The following CNTN6 variants were observed in gnomAD, a reference collection of about 807,000 sequenced individuals.
CNTN6 encodes contactin-6.
In CNTN6, 137 loss-of-function variants were observed where a neutral mutation model predicts 122.8. The ratio of observed to expected loss-of-function variants is 1.12; its 90% CI spans 0.97 to 1.29. The LOEUF (loss-of-function observed/expected upper bound fraction) is 1.29. Among genes scored for constraint, CNTN6 ranks in the 50% most tolerant of loss-of-function variants. The pLI is 0.00. For synonymous variants in CNTN6, 570 were observed against 426.0 expected (o/e 1.34, Z -4.16); for missense variants, 1,634 against 1,223.4 (o/e 1.34, Z -5.01).
intron 2 of CNTN6, among the ~76,000 whole-genome samples, chr3:1,187,904 T>C (rs2125369845): frequency 6.6e-6 from 1 of 152,280 alleles, no homozygotes; most frequent in South Asian, 2.1e-4. Context: ...TTGGGCAGTC[T>C]GTTCTTTCCT....
intron 2 of CNTN6, among the ~76,000 whole-genome samples, chr3:1,202,384 C>A (rs2093889116): frequency 1.3e-5 from 2 of 151,066 alleles, no homozygotes; most frequent in South Asian, 4.2e-4. Flanking sequence ...ACTAAAAATA[C>A]AAGAAATCAG....
chr3:1,125,796 AATG>A (rs1433641623), intron 1 of CNTN6, among the ~76,000 whole-genome samples: 2 of 151,782 alleles, frequency 1.3e-5, no homozygotes, highest in African/African-American at 4.8e-5. Context: ...AATATATTCT[AATG>A]ATGATATGAC....
At chr3:1,237,920 C>G (rs772099864) in intron 4 of CNTN6, among the ~76,000 whole-genome samples, 29 of 151,054 alleles carry the variant, frequency 1.9e-4, no homozygotes, top group Non-Finnish European at 2.8e-4. Context: ...AACAAATCTT[C>G]AAAATACACA....
intron 4 of CNTN6, among the ~76,000 whole-genome samples, chr3:1,234,505 A>G (rs1355103889): frequency 2.0e-5 from 3 of 152,152 alleles, no homozygotes; most frequent in Non-Finnish European, 4.4e-5. Context: ...GCTCCCGATG[A>G]TATGGTGATA....
chr3:1,265,590 C>A (rs2094914635), intron 4 of CNTN6, among the ~76,000 whole-genome samples: 1 of 152,084 alleles, frequency 6.6e-6, no homozygotes, highest in Admixed American at 6.5e-5. Flanking sequence ...CAAAAGAAAA[C>A]ACAAATTACT....
At chr3:1,105,728 T>G (rs2091187691) in intron 1 of CNTN6, among the ~76,000 whole-genome samples, 1 of 152,182 alleles carries the variant, frequency 6.6e-6, no homozygotes, top group Admixed American at 6.5e-5. Flanking sequence ...ACTTAAAGTT[T>G]CCTAAATATA....
chr3:1,348,281 C>T (rs182841659), intron 11 of CNTN6, among the ~76,000 whole-genome samples: 2 of 151,796 alleles, frequency 1.3e-5, no homozygotes, highest in East Asian at 3.9e-4. Flanking sequence ...TTTTTATCCA[C>T]TCTGCTAATT....
intron 20 of CNTN6, among the ~76,000 whole-genome samples, chr3:1,387,620 C>T (rs1020348366): frequency 5.3e-5 from 8 of 152,258 alleles, no homozygotes; most frequent in Middle Eastern, 3.4e-3. Flanking sequence ...CCAGTGAAGA[C>T]GCGTGATTTC....
intron 4 of CNTN6, 94 bp from the exon 5 acceptor site, chr3:1,278,319 C>G: frequency 1.2e-6 from 1 of 833,028 alleles, no homozygotes; most frequent in Non-Finnish European, 1.9e-6. Flanking sequence ...GAGATTAATT[C>G]CCCTTAATAA....
chr3:1,212,558 T>C (rs2094061084), intron 2 of CNTN6, among the ~76,000 whole-genome samples: 1 of 151,804 alleles, frequency 6.6e-6, no homozygotes, highest in African/African-American at 2.4e-5. Context: ...TATATGTGTA[T>C]ACACATACAC....
chr3:1,285,348 T>G (rs959658267), intron 5 of CNTN6, among the ~76,000 whole-genome samples: 2 of 152,264 alleles, frequency 1.3e-5, no homozygotes, highest in African/African-American at 4.8e-5. Context: ...ATAGCAGGTT[T>G]AAGGATGGAG....
At chr3:1,400,803 A>C (rs1457701803) in intron 20 of CNTN6, among the ~76,000 whole-genome samples, 2 of 152,046 alleles carry the variant, frequency 1.3e-5, no homozygotes. Flanking sequence ...ACAAAGAGGT[A>C]CTCTCTGGCA....
intron 2 of CNTN6, among the ~76,000 whole-genome samples, chr3:1,165,399 A>C (rs2093224284): frequency 6.6e-6 from 1 of 152,196 alleles, no homozygotes; most frequent in South Asian, 2.1e-4. Flanking sequence ...TCAATGGTCC[A>C]TCTGCTTGGA....
At chr3:1,162,705 G>A (rs760079487) in intron 2 of CNTN6, among the ~76,000 whole-genome samples, 2 of 152,180 alleles carry the variant, frequency 1.3e-5, no homozygotes, top group Admixed American at 6.5e-5. Flanking sequence ...TGTGGAAGCC[G>A]GATCTTGCTT....
chr3:1,201,383 C>T (rs556836622), intron 2 of CNTN6, among the ~76,000 whole-genome samples: 19 of 152,082 alleles, frequency 1.2e-4, no homozygotes, highest in Middle Eastern at 3.4e-3. Flanking sequence ...CTCCATGAAA[C>T]GGGAAAATTA....
intron 19 of CNTN6, among the ~76,000 whole-genome samples, chr3:1,384,938 A>C (rs1243952498): frequency 3.3e-5 from 5 of 150,934 alleles, no homozygotes; most frequent in Non-Finnish European, 7.4e-5. Context: ...GTTACTTCTC[A>C]AATTTCATCC....
At position 1,386,631 on chromosome 3, in the gene CNTN6, T is replaced by TTACATATTCCTTATATATTATA. The variant is rs1559998796; in HGVS notation, c.2704+835_2704+836insACATATTCCTTATATATTATAT. Among the ~76,000 whole-genome samples the TTACATATTCCTTATATATTATA allele has an allele frequency of 3.2e-4, 49 of 152,094 alleles. No homozygotes were observed. In the East Asian group the frequency reaches 7.9e-3, roughly 25 times the overall value. The stretch of plus-strand genomic sequence containing the variant: ...ATGATTTTTTTGTGGTTGAATAATA[T>TTACATATTCCTTATATATTATA]TTACATATTCCTTATATATTATTAA... On this transcript the variant is annotated intron_variant, in intron 20 of 22. Transcript: ENST00000446702.
Position 1,304,230 on chromosome 3 carries a change from C to A in CNTN6, c.761+6239C>A, listed in dbSNP as rs1393242972. ...ACCAAAACCTTACTTCATTTATTTC[C>A]CCTCTTTCAGGATCATACTTTTGTG... On this transcript the variant is annotated intron_variant, in intron 7 of 22. Transcript: ENST00000446702. Among the ~76,000 whole-genome samples the A allele has an allele frequency of 2.6e-5, 4 of 152,164 alleles. 1 individual carries two copies. Among genetic ancestry groups the A allele is most frequent in the Admixed American group, 2.0e-4 (3 of 15,276 alleles).
chr3:1,307,407 T>C (rs565715244), intron 7 of CNTN6, among the ~76,000 whole-genome samples: 2 of 152,258 alleles, frequency 1.3e-5, no homozygotes, highest in South Asian at 2.1e-4. Flanking sequence ...TTTTAACTAA[T>C]GGATTTTAAA....
Sources: gnomAD v4.1 joint callset for allele counts (sites outside exome capture counted in the v4.1 genomes callset) on GRCh38, gnomAD v4.1.1 for gene constraint, MANE v1.5 for transcripts, NCBI Gene and HGNC (gene_info 2026-07-23, HGNC 2026-07-21) for gene names.